The following CFAP47 variants were observed in gnomAD, a reference collection of about 807,000 sequenced individuals.
CFAP47 encodes cilia and flagella associated protein 47.
In CFAP47, 29 loss-of-function variants were observed where a neutral mutation model predicts 148.1. The ratio of observed to expected loss-of-function variants is 0.20; its 90% CI spans 0.15 to 0.27. The LOEUF is 0.27. Among genes scored for constraint, CFAP47 ranks in the 10% least tolerant of loss-of-function variants. The pLI is 1.00. For synonymous variants in CFAP47, 664 were observed against 577.3 expected (o/e 1.15, Z -2.15); for missense variants, 1,872 against 1,697.5 (o/e 1.10, Z -1.81).
chrX:35,966,687 C>G lies in CFAP47; in HGVS notation c.1533C>G (p.His511Gln). Residue 511 changes from histidine to glutamine, a missense_variant, in exon 9 of 64, where the codon CAC becomes CAG. His to Gln is a conservative substitution (Grantham distance 24). Transcript: ENST00000378653. ...LQSLSVKSFH[H>Q]VYLAFNSICK... ...CTTTGTCGGTAAAATCTTTCCATCA[C>G]GTATATTTAGCTTTCAACAGCATCT... 1 of 1,176,210 alleles carries G rather than the reference C, an allele frequency of 8.5e-7. No individual in the cohort carries two copies. The highest frequency in any genetic ancestry group is 1.1e-6 in the Non-Finnish European group (1 of 876,148).
At chrX:36,017,894 C>A (rs746631079) in intron 22 of CFAP47, among the ~76,000 whole-genome samples, 1 of 110,860 alleles carries the variant, frequency 9.0e-6, no homozygotes, top group Non-Finnish European at 1.9e-5. Flanking sequence ...TTTTCAATTT[C>A]TGTGAAGAAT....
chrX:36,303,943 A>G lies in CFAP47; in HGVS notation c.8065A>G (p.Ile2689Val). The G allele has an allele frequency of 9.3e-7, 1 of 1,075,354 alleles. No homozygotes were observed. Among genetic ancestry groups the G allele is most frequent in the Non-Finnish European group, 1.3e-6 (1 of 797,453 alleles). The allele number at this position is 1,075,354 out of a possible 1,213,427, so 88.6% of individuals were successfully genotyped here. ...NSNPENFVLD[I>V]NRKSQLIISP... ...TAATCCTGAAAATTTTGTCCTGGAT[A>G]TTAACAGAAAATCACAAGTAAGTAA... Residue 2689 changes from isoleucine (I) to valine (V), a missense_variant, in exon 54 of 64, where the codon ATT becomes GTT. Transcript: ENST00000378653.
intron 30 of CFAP47, among the ~76,000 whole-genome samples, chrX:36,094,748 T>TG (rs1342817150): frequency 9.2e-6 from 1 of 108,741 alleles, no homozygotes; most frequent in Non-Finnish European, 1.9e-5. Context: ...TTACTGAATT[T>TG]GTTTATTATT....
intron 62 of CFAP47, among the ~76,000 whole-genome samples, chrX:36,372,300 CTT>C (rs1475434250): frequency 3.6e-5 from 4 of 111,048 alleles, no homozygotes; most frequent in Non-Finnish European, 5.7e-5. Context: ...GGGAAACTAA[CTT>C]AGGGCAACAT....
At chrX:36,381,650 T>C (rs1415085161) in intron 63 of CFAP47, among the ~76,000 whole-genome samples, 1 of 111,053 alleles carries the variant, frequency 9.0e-6, no homozygotes, top group Non-Finnish European at 1.9e-5. Context: ...GAGACTAAAG[T>C]TTACTTATTT....
intron 48 of CFAP47, among the ~76,000 whole-genome samples, chrX:36,244,152 A>C (rs782435183): frequency 9.0e-6 from 1 of 111,440 alleles, no homozygotes; most frequent in African/African-American, 3.3e-5. Flanking sequence ...TAAAGTTAAA[A>C]ATTAAACCAG....
Position 36,373,395 on chromosome X carries a change from G to A in CFAP47, c.9186-5955G>A, listed in dbSNP as rs183041095. 2.7e-5 allele frequency among the ~76,000 whole-genome samples: 3 copies of A among 111,208 alleles called. No homozygotes were observed. In the East Asian group the frequency reaches 8.5e-4, roughly 31 times the overall value. ...GTATGTTGATTTTTCATCCATCAAT[G>A]TCAGTGTTACTGAGATTATGTATTA... is the stretch of plus-strand genomic sequence containing the variant. On this transcript the variant is annotated intron_variant, in intron 62 of 63. Coordinates refer to ENST00000378653, the MANE Select transcript of CFAP47 (RefSeq NM_001304548.2).
intron 2 of CFAP47, among the ~76,000 whole-genome samples, chrX:35,929,512 G>T (rs1451870676): frequency 9.0e-6 from 1 of 111,596 alleles, no homozygotes. Context: ...TGTATCCTCT[G>T]ACCTTGCTGA....
rs1290193443 is a variant in CFAP47 at position 36,234,164 on chromosome X, C to G, written c.7015-1770C>G. Among the ~76,000 whole-genome samples the G allele has an allele frequency of 9.2e-5, 10 of 109,192 alleles. No individual in the cohort carries two copies. In the Admixed American group the frequency reaches 9.8e-4, roughly 11 times the overall value. 94.8% of individuals were successfully genotyped at this position (109,192 alleles called of 115,157 possible). ...TTCCTGAATCTGAATGTTGGCCTGCCTTGCTAGATTGGGGAAGTTCTCCTG... is the reference window on the plus strand; with the variant it reads ...TTCCTGAATCTGAATGTTGGCCTGCGTTGCTAGATTGGGGAAGTTCTCCTG... On this transcript the variant is annotated intron_variant, in intron 46 of 63. Coordinates refer to ENST00000378653, the MANE Select transcript of CFAP47 (RefSeq NM_001304548.2).
intron 49 of CFAP47, among the ~76,000 whole-genome samples, chrX:36,258,869 A>G (rs1940785423): frequency 8.9e-6 from 1 of 111,827 alleles, no homozygotes; most frequent in African/African-American, 3.3e-5. Flanking sequence ...AGCCCCTAAC[A>G]TAGAACATGC....
intron 57 of CFAP47, among the ~76,000 whole-genome samples, chrX:36,336,331 A>G (rs1461529699): frequency 1.9e-5 from 2 of 107,289 alleles, no homozygotes; most frequent in Admixed American, 1.0e-4. Context: ...TTGAGCTCCA[A>G]GGAACTTCCC....
At chrX:36,047,129 C>T in intron 26 of CFAP47, 66 bp downstream of exon 26, 2 of 735,544 alleles carry the variant, frequency 2.7e-6, no homozygotes, top group Non-Finnish European at 4.0e-6. Context: ...ATATTTTACA[C>T]CATGGTAAAA....
At chrX:35,947,591 G>A (rs779311618) in intron 3 of CFAP47, among the ~76,000 whole-genome samples, 63 of 106,566 alleles carry the variant, frequency 5.9e-4, no homozygotes, top group Non-Finnish European at 9.3e-4. Context: ...GCCCTAGAAT[G>A]AGCAAATGTG....
intron 1 of CFAP47, among the ~76,000 whole-genome samples, chrX:35,921,321 G>A (rs1213571023): frequency 8.9e-6 from 1 of 112,204 alleles, no homozygotes; most frequent in Admixed American, 9.5e-5. Flanking sequence ...TTATTAAAAA[G>A]TATATCTCAA....
chrX:36,237,424 G>A (rs1940483211), intron 48 of CFAP47, among the ~76,000 whole-genome samples: 1 of 111,232 alleles, frequency 9.0e-6, no homozygotes, highest in Non-Finnish European at 1.9e-5. Flanking sequence ...CCACCTCCTG[G>A]GTTCAAGTGT....
chrX:36,258,515 T>A (rs1437773328), intron 49 of CFAP47, among the ~76,000 whole-genome samples: 1 of 112,121 alleles, frequency 8.9e-6, no homozygotes, highest in Non-Finnish European at 1.9e-5. Context: ...GATGCACAAC[T>A]ATTTTCAGGG....
At chrX:36,166,269 C>T (rs961861111) in intron 39 of CFAP47, among the ~76,000 whole-genome samples, 13 of 110,381 alleles carry the variant, frequency 1.2e-4, no homozygotes, top group African/African-American at 3.9e-4. Context: ...ACCATACATA[C>T]GTCAGATTCT....
intron 21 of CFAP47, among the ~76,000 whole-genome samples, chrX:36,002,822 C>T (rs1013455950): frequency 9.0e-6 from 1 of 110,931 alleles, no homozygotes; most frequent in South Asian, 3.8e-4. Context: ...CTTTAATAAT[C>T]TAATTTTTGG....
intron 33 of CFAP47, among the ~76,000 whole-genome samples, chrX:36,128,924 AT>A (rs888052426): frequency 7.6e-5 from 8 of 105,402 alleles, no homozygotes; most frequent in Non-Finnish European, 1.5e-4. Context: ...TTAATCTGTA[AT>A]TTTTTTCTAC....
Sources: allele counts gnomAD v4.1 joint callset (sites outside exome capture counted in the v4.1 genomes callset), GRCh38; gene constraint gnomAD v4.1.1; transcripts MANE v1.5; gene names NCBI Gene and HGNC (gene_info 2026-07-23, HGNC 2026-07-21).